The following CCDC174 variants were observed in gnomAD, a reference collection of about 807,000 sequenced individuals.
CCDC174 encodes coiled-coil domain containing 174, also known as coiled-coil domain-containing protein 174.
CCDC174 carries 37 observed loss-of-function variants against 57.1 expected under a neutral mutation model. The ratio of observed to expected loss-of-function variants is 0.65; its 90% CI spans 0.50 to 0.85. The LOEUF (loss-of-function observed/expected upper bound fraction) is 0.85, where lower values mean the gene tolerates loss of function less well. Among genes scored for constraint, CCDC174 ranks in the 40% least tolerant of loss-of-function variants. The pLI is 0.00. For missense variants in CCDC174, 540 were observed against 574.3 expected (o/e 0.94, Z 0.61); for synonymous variants, 182 against 190.2 (o/e 0.96, Z 0.35).
intron 7 of CCDC174, 97 bp from the exon 8 acceptor site, chr3:14,667,327 T>TC (rs2031374492): frequency 1.1e-6 from 1 of 909,730 alleles, no homozygotes; most frequent in Non-Finnish European, 1.8e-6. Context: ...GTGCCAAATA[T>TC]CACTGTGTTT....
Position 14,671,150 on chromosome 3 carries a change from A to G in CCDC174, c.1360A>G (p.Lys454Glu). The change falls in exon 11 of 11, where the codon AAA becomes GAA. Residue 454 changes from lysine to glutamate, a missense_variant. Transcript: ENST00000383794. ...NPPQAPTVTFKTLDDMISYYK... is the reference protein window; with the variant it reads ...NPPQAPTVTFETLDDMISYYK... ...ACCACAAGCCCCCACAGTTACTTTC[A>G]AAACTCTGGATGACATGATTTCCTA... The G allele has an allele frequency of 1.9e-6, 3 of 1,613,526 alleles. No homozygotes were observed. The Middle Eastern group carries it at 4.9e-4, about 266-fold the overall frequency.
In CCDC174 at chr3:14,671,190, C is replaced by T. The variant is rs1019289486; in HGVS notation, c.1400C>T (p.Thr467Ile). The T allele has an allele frequency of 6.2e-7, 1 of 1,604,996 alleles. No individual in the cohort carries two copies. The highest frequency in any genetic ancestry group is 1.3e-5 in the African/African-American group (1 of 74,746). The change falls in exon 11 of 11, where the codon ACA becomes ATA. Residue 467 changes from threonine (T) to isoleucine (I), a missense_variant. Thr to Ile is a moderately conservative substitution (Grantham distance 89). Transcript: ENST00000383794. ...ATGATTTCCTATTACAAACAAGTGA[C>T]ATGATCTTTCAAAGCACGCTGACTT... Reference protein sequence around the residue: ...DDMISYYKQVT With the variant: ...DDMISYYKQVI
chr3:14,667,802 G>A (rs1451740069), intron 8 of CCDC174, among the ~76,000 whole-genome samples: 1 of 152,140 alleles, frequency 6.6e-6, no homozygotes, highest in South Asian at 2.1e-4. Context: ...AGGACGGAAT[G>A]GGTTGGTTTT....
At chr3:14,660,890 T>A (rs142652054) in intron 4 of CCDC174, among the ~76,000 whole-genome samples, 1 of 152,380 alleles carries the variant, frequency 6.6e-6, no homozygotes, top group Non-Finnish European at 1.5e-5. Flanking sequence ...AGGTAAGTCA[T>A]GGATTGTTGT....
At chr3:14,667,359 G>A in intron 7 of CCDC174, 65 bp from the exon 8 acceptor site, 1 of 1,206,726 alleles carries the variant, frequency 8.3e-7, no homozygotes, top group Non-Finnish European at 1.2e-6. Flanking sequence ...GGTAGGAAAT[G>A]TGGCTTGAGT....
In CCDC174 at chr3:14,655,597, G is replaced by T. The variant is rs777541132; in HGVS notation, c.216G>T (p.Lys72Asn). 1 of 1,610,086 alleles carries T rather than the reference G, an allele frequency of 6.2e-7. No homozygotes were observed. Among genetic ancestry groups the T allele is most frequent in the Non-Finnish European group, 8.5e-7 (1 of 1,177,722 alleles). Residue 72 changes from lysine (K) to asparagine (N), a missense_variant, in exon 3 of 11, where the codon AAG becomes AAT. Physicochemically the swap from Lys to Asn is moderately conservative, Grantham distance 94. Transcript: ENST00000383794. The part of the protein sequence containing the change: ...SNRAEKDAEQ[K>N]IEEQKTLDKA... ...GAGCTGAGAAGGATGCTGAACAGAA[G>T]ATTGAAGAACAGAAGACTTTAGACA...
intron 1 of CCDC174, among the ~76,000 whole-genome samples, chr3:14,652,225 TA>T (rs1259862676): frequency 6.6e-6 from 1 of 152,160 alleles, no homozygotes; most frequent in Admixed American, 6.5e-5. Flanking sequence ...GGAGGAACCC[TA>T]GCTTCTTTTT....
At chr3:14,668,637 T>C (rs1201641414) in intron 9 of CCDC174, among the ~76,000 whole-genome samples, 1 of 152,080 alleles carries the variant, frequency 6.6e-6, no homozygotes, top group Non-Finnish European at 1.5e-5. Context: ...CAGAAGTTGG[T>C]GATGTGGAAC....
Position 14,671,111 on chromosome 3 carries a change from G to A in CCDC174, c.1321G>A (p.Ala441Thr). The A allele has an allele frequency of 1.1e-5, 18 of 1,614,078 alleles. No individual in the cohort carries two copies. Among genetic ancestry groups the A allele is most frequent in the Non-Finnish European group, 1.4e-5 (17 of 1,180,020 alleles). The change falls in exon 11 of 11, where the codon GCC becomes ACC. Residue 441 changes from alanine (A) to threonine (T), a missense_variant. Coordinates refer to ENST00000383794, the MANE Select transcript of CCDC174 (RefSeq NM_016474.5). Reference protein sequence around the residue: ...PSPEHTSPTPAPDNPPQAPTV... With the variant: ...PSPEHTSPTPTPDNPPQAPTV... Reference sequence around the variant, plus strand: ...CCCTGAACATACGTCACCCACTCCTGCCCCCGACAACCCACCACAAGCCCC... The same window carrying A: ...CCCTGAACATACGTCACCCACTCCTACCCCCGACAACCCACCACAAGCCCC...
chr3:14,668,210 A>G (rs2031404458), intron 9 of CCDC174, 29 bp downstream of exon 9: 2 of 1,565,230 alleles, frequency 1.3e-6, no homozygotes, highest in East Asian at 4.6e-5. Flanking sequence ...GCTGAACTTC[A>G]AAAGGGAAAA....
chr3:14,661,590 A>T lies in CCDC174; in HGVS notation c.368A>T (p.Lys123Ile). The change falls in exon 5 of 11, where the codon AAA becomes ATA. Residue 123 changes from lysine (K) to isoleucine (I), a missense_variant. Transcript: ENST00000383794. ...DFTQKIIDKR[K>I]EMEASGAHRD... Reference sequence around the variant, plus strand: ...ACACAGAAGATCATAGACAAGCGCAAAGAAATGGAGGCATCTGGTGCCCAT... The same window carrying T: ...ACACAGAAGATCATAGACAAGCGCATAGAAATGGAGGCATCTGGTGCCCAT... 1 of 1,614,218 alleles carries T rather than the reference A, an allele frequency of 6.2e-7. No homozygotes were observed. Among genetic ancestry groups the T allele is most frequent in the Middle Eastern group, 1.6e-4 (1 of 6,062 alleles).
intron 9 of CCDC174, among the ~76,000 whole-genome samples, chr3:14,669,123 C>T (rs1162414267): frequency 6.6e-6 from 1 of 152,188 alleles, no homozygotes; most frequent in East Asian, 1.9e-4. Context: ...GGGAAATGGC[C>T]TCTCCAGCAA....
At chr3:14,670,854 T>C (rs1394609552) in intron 10 of CCDC174, 42 bp from the exon 11 acceptor site, 1 of 1,451,624 alleles carries the variant, frequency 6.9e-7, no homozygotes, top group Non-Finnish European at 9.4e-7. Flanking sequence ...TTCAACTGAT[T>C]CGTTAATCAG....
At chr3:14,667,239 G>A (rs767797426) in intron 7 of CCDC174, 185 bp from the exon 8 acceptor site, 50 of 635,628 alleles carry the variant, frequency 7.9e-5, no homozygotes, top group Non-Finnish European at 1.1e-4. Context: ...CAAACAGGAC[G>A]AAAACTTGGT....
chr3:14,654,432 G>C lies in CCDC174; in HGVS notation c.49G>C (p.Asp17His). 6.4e-7 allele frequency: 1 copy of C among 1,571,574 alleles called. No homozygotes were observed. The highest frequency in any genetic ancestry group is 8.7e-7 in the Non-Finnish European group (1 of 1,150,504). Residue 17 changes from aspartate (D) to histidine (H), a missense_variant, in exon 2 of 11, where the codon GAT becomes CAT. Physicochemically the swap from Asp to His is moderately conservative, Grantham distance 81. Coordinates refer to ENST00000383794, the MANE Select transcript of CCDC174 (RefSeq NM_016474.5). The part of the protein sequence containing the change: ...PLDVTASSLV[D>H]LKAELFRKQE... ...CTTACTGCTTTCATTCTAGTTGGTAGATCTTAAGGCTGAACTCTTCCGAAA... is the reference window on the plus strand; with the variant it reads ...CTTACTGCTTTCATTCTAGTTGGTACATCTTAAGGCTGAACTCTTCCGAAA...
chr3:14,654,676 G>A (rs1227671247), intron 2 of CCDC174, 146 bp downstream of exon 2: 2 of 509,808 alleles, frequency 3.9e-6, no homozygotes, highest in African/African-American at 4.0e-5. Context: ...TGCATGAAAT[G>A]TTATTAAAAT....
intron 10 of CCDC174, 24 bp from the exon 11 acceptor site, chr3:14,670,872 A>G (rs367654248): frequency 6.4e-7 from 1 of 1,561,596 alleles, no homozygotes; most frequent in African/African-American, 1.4e-5. Flanking sequence ...CAGTTCTAAT[A>G]ACTTTCTTTC....
At position 14,655,756 on chromosome 3, in the gene CCDC174, A is replaced by G. The variant is rs183160531; in HGVS notation, c.248+127A>G. The G allele has an allele frequency of 1.0e-3, 500 of 483,704 alleles. 2 individuals are homozygous for G. The Middle Eastern group carries it at 0.011, about 10-fold the overall frequency. 30.0% of individuals were successfully genotyped at this position (483,704 alleles called of 1,614,324 possible). A position where few individuals can be genotyped will look rare whatever the true frequency, so the allele number is the denominator to read the frequency against. On this transcript the variant is annotated intron_variant, in intron 3 of 10. Coordinates refer to ENST00000383794, the MANE Select transcript of CCDC174 (RefSeq NM_016474.5). ...TAACATCCTTCTAGCCCAATGCTCT[A>G]AGTACTCTAAAAATAATATAATTTG...
chr3:14,665,344 G>A (rs1388558395), intron 6 of CCDC174, among the ~76,000 whole-genome samples: 1 of 152,180 alleles, frequency 6.6e-6, no homozygotes, highest in African/African-American at 2.4e-5. Context: ...GAGTAGAGCT[G>A]TCTCTTTTAC....
Sources: gnomAD v4.1 joint callset for allele counts (sites outside exome capture counted in the v4.1 genomes callset) on GRCh38, gnomAD v4.1.1 for gene constraint, MANE v1.5 for transcripts, NCBI Gene and HGNC (gene_info 2026-07-23, HGNC 2026-07-21) for gene names.